HIBCH: variants seen among roughly 807,000 people sequenced by gnomAD.
HIBCH encodes the protein 3-hydroxyisobutyryl-CoA hydrolase.
In HIBCH, 50 loss-of-function variants were observed where a neutral mutation model predicts 58.2. The observed-to-expected ratio is 0.86, with a 90% CI of 0.68 to 1.09. The LOEUF (loss-of-function observed/expected upper bound fraction) is 1.09. HIBCH is among the 50% of genes least tolerant of loss of function. The pLI is 0.00. For synonymous variants in HIBCH, 151 were observed against 146.9 expected (o/e 1.03, Z -0.20); for missense variants, 450 against 449.7 (o/e 1.00, Z -0.01).
intron 11 of HIBCH, among the ~76,000 whole-genome samples, chr2:190,222,513 T>G (rs959116367): frequency 6.6e-6 from 1 of 151,276 alleles, no homozygotes; most frequent in East Asian, 1.9e-4. Flanking sequence ...AACAAGCATA[T>G]GAAAAAATGC....
At chr2:190,296,603 G>C (rs111685433) in intron 3 of HIBCH, among the ~76,000 whole-genome samples, 419 of 152,222 alleles carry the variant, frequency 2.8e-3, no homozygotes, top group African/African-American at 9.7e-3. Flanking sequence ...AAAAGTCAGA[G>C]TCTGTCTCAG....
At chr2:190,280,031 T>C (rs533189306) in intron 6 of HIBCH, 2 of 152,332 alleles carry the variant, frequency 1.3e-5, no homozygotes, top group African/African-American at 4.8e-5. Context: ...AGTGTACTCT[T>C]TCTGCAGAAA....
chr2:190,316,888 C>T (rs1299512921), intron 1 of HIBCH, among the ~76,000 whole-genome samples: 1 of 152,120 alleles, frequency 6.6e-6, no homozygotes, highest in Non-Finnish European at 1.5e-5. Flanking sequence ...GGCAATGAGG[C>T]CTATTAACAA....
rs547670976 is a variant in HIBCH at position 190,230,660 on chromosome 2, A to G, written c.891+14227T>C. Among the ~76,000 whole-genome samples the G allele has an allele frequency of 2.6e-5, 4 of 152,348 alleles. No homozygotes were observed. The South Asian group carries it at 8.3e-4, about 32-fold the overall frequency. On this transcript the variant is annotated intron_variant, in intron 11 of 13. Coordinates refer to ENST00000359678, the MANE Select transcript of HIBCH (RefSeq NM_014362.4). ...CAGTGAGCCAAGATCGTGCCGCTGC[A>G]CTCCAGCCTGGGCGAGAGAGCAAGA...
downstream of HIBCH, chr2:190,203,043 T>G: frequency 6.0e-6 from 1 of 167,170 alleles, no homozygotes. Context: ...AAATAATTTG[T>G]CAAACTGCCT....
At chr2:190,298,372 C>T (rs1196483714) in intron 2 of HIBCH, among the ~76,000 whole-genome samples, 2 of 149,392 alleles carry the variant, frequency 1.3e-5, no homozygotes, top group Non-Finnish European at 3.0e-5. Flanking sequence ...CCACCAACAG[C>T]GTAAAAGCGT....
chr2:190,235,640 G>T (rs536814100), intron 11 of HIBCH, among the ~76,000 whole-genome samples: 1 of 152,112 alleles, frequency 6.6e-6, no homozygotes, highest in Non-Finnish European at 1.5e-5. Flanking sequence ...CTTTTTGGCC[G>T]TATTTCCTGG....
At chr2:190,289,159 T>C in intron 5 of HIBCH, among the ~76,000 whole-genome samples, 1 of 152,252 alleles carries the variant, frequency 6.6e-6, no homozygotes, top group Non-Finnish European at 1.5e-5. Context: ...ACTTATGTTT[T>C]ACTATTTTAA....
chr2:190,315,812 T>C lies in HIBCH; in HGVS notation c.35+3904A>G, dbSNP rs1339361829. On this transcript the variant is annotated intron_variant, in intron 1 of 13. Transcript: ENST00000359678. The surrounding 1 kb of genome is among the most constrained non-coding windows in gnomAD (Gnocchi z 5.4). Reference sequence around the variant, plus strand: ...TGGAAAGGAATGTCAAAAATGACTTTAAGATTTCAAGCCAGGACAACCAGG... The same window carrying C: ...TGGAAAGGAATGTCAAAAATGACTTCAAGATTTCAAGCCAGGACAACCAGG... Among the ~76,000 whole-genome samples the C allele has an allele frequency of 1.3e-5, 2 of 152,134 alleles. No individual in the cohort carries two copies. Among genetic ancestry groups the C allele is most frequent in the Non-Finnish European group, 2.9e-5 (2 of 68,032 alleles).
intron 6 of HIBCH, among the ~76,000 whole-genome samples, chr2:190,278,086 C>A (rs1295146519): frequency 6.6e-6 from 1 of 152,102 alleles, no homozygotes; most frequent in Non-Finnish European, 1.5e-5. Flanking sequence ...GAACACCTTA[C>A]AAAAATTGTT....
At chr2:190,247,357 T>C (rs919521210) in intron 9 of HIBCH, among the ~76,000 whole-genome samples, 11 of 152,118 alleles carry the variant, frequency 7.2e-5, no homozygotes, top group Non-Finnish European at 2.9e-5. Context: ...AAAGCATAAT[T>C]CATCACATAT....
intron 11 of HIBCH, chr2:190,220,210 TGCC>T (rs1227051473): frequency 2.0e-5 from 3 of 152,248 alleles, no homozygotes; most frequent in African/African-American, 7.2e-5. Context: ...GTACATCTGA[TGCC>T]TGTGCTTTCC....
chr2:190,203,175 C>T (rs72915415), downstream of HIBCH: 95 of 167,022 alleles, frequency 5.7e-4, no homozygotes, highest in Non-Finnish European at 1.0e-3. Flanking sequence ...TTTTAGAAAT[C>T]GAAAGTTAGA....
intron 1 of HIBCH, among the ~76,000 whole-genome samples, chr2:190,192,484 G>GTA (rs1441757978): frequency 1.6e-3 from 232 of 147,174 alleles, no homozygotes; most frequent in African/African-American, 5.6e-3. Context: ...GTGTGTGTGT[G>GTA]TGTGTGTATC....
At chr2:190,202,187 T>C (rs3749015), downstream of HIBCH, 50,232 of 166,852 alleles carry the variant, frequency 0.3, 9,077 homozygotes, top group African/African-American at 0.49. Context: ...GAAGTCTGAT[T>C]TCTGTTGCTG....
rs1685529037 is a variant in HIBCH at position 190,216,361 on chromosome 2, A to C, written c.892-3286T>G. On this transcript the variant is annotated intron_variant, in intron 11 of 13. Coordinates refer to ENST00000359678, the MANE Select transcript of HIBCH (RefSeq NM_014362.4). The surrounding 1 kb of genome is among the most constrained non-coding windows in gnomAD (Gnocchi z 4.2). ...AAAGGATTCAGATTATGGAAGGGTA[A>C]ATGGATGAAATGACCATTAAGGTTT... 1.3e-5 allele frequency among the ~76,000 whole-genome samples: 2 copies of C among 152,142 alleles called. No homozygotes were observed. Among genetic ancestry groups the C allele is most frequent in the South Asian group, 4.1e-4 (2 of 4,830 alleles).
intron 11 of HIBCH, among the ~76,000 whole-genome samples, chr2:190,241,162 T>C (rs775065099): frequency 1.3e-5 from 2 of 152,196 alleles, no homozygotes; most frequent in African/African-American, 4.8e-5. Context: ...GCTCCTGTAT[T>C]GGTGAATATA....
chr2:190,319,552 G>A (rs1325678222), intron 1 of HIBCH, among the ~76,000 whole-genome samples, 164 bp downstream of exon 1: 5 of 152,190 alleles, frequency 3.3e-5, no homozygotes, highest in Non-Finnish European at 7.3e-5. Context: ...GGAAAGACAG[G>A]GACGGGGGCT....
intron 7 of HIBCH, among the ~76,000 whole-genome samples, chr2:190,253,311 T>G (rs1686831797): frequency 6.6e-6 from 1 of 152,190 alleles, no homozygotes. Flanking sequence ...TATGTATCTG[T>G]TCTAAAGTTT....
Sources: gnomAD v4.1 joint callset for allele counts (sites outside exome capture counted in the v4.1 genomes callset) on GRCh38, gnomAD v4.1.1 for gene constraint, Gnocchi (gnomAD v3.1) non-coding constraint, MANE v1.5 for transcripts, NCBI Gene and HGNC (gene_info 2026-07-23, HGNC 2026-07-21) for gene names.